NEB: variants seen among roughly 807,000 people sequenced by gnomAD.
NEB encodes nebulin.
In NEB, 512 loss-of-function variants were observed where a neutral mutation model predicts 952.2. The ratio of observed to expected loss-of-function variants is 0.54; its 90% CI spans 0.50 to 0.58. The LOEUF (loss-of-function observed/expected upper bound fraction) is 0.58, where lower values mean the gene tolerates loss of function less well. Among genes scored for constraint, NEB ranks in the 20% least tolerant of loss-of-function variants. The pLI, the probability that NEB is intolerant of heterozygous loss-of-function variation, is 0.00. For missense variants in NEB, 8,428 were observed against 9,231.1 expected, an observed-to-expected ratio of 0.91 and a Z score of 3.56; for synonymous variants, 2,900 against 3,149.8, an observed-to-expected ratio of 0.92 and a Z score of 2.66.
At position 151,690,584 on chromosome 2, in the gene NEB, T is replaced by G. The variant is rs531417831; in HGVS notation, c.2310+143A>C. Reference sequence around the variant, plus strand: ...GCTGCAATTCAATCTAGCAGCCTCATTTGTGTTTTATTAAACAAATCTTGA... The same window carrying G: ...GCTGCAATTCAATCTAGCAGCCTCAGTTGTGTTTTATTAAACAAATCTTGA... On this transcript the variant is annotated intron_variant, in intron 24 of 181. Coordinates refer to ENST00000397345, the MANE Select transcript of NEB (RefSeq NM_001164508.2). 4.3e-4 allele frequency: 294 copies of G among 683,568 alleles called. 1 individual carries two copies. Among genetic ancestry groups the G allele is most frequent in the Non-Finnish European group, 7.0e-4 (265 of 378,256 alleles). The allele number at this position is 683,568 out of a possible 1,614,324, so 42.3% of individuals were successfully genotyped here.
intron 124 of NEB, among the ~76,000 whole-genome samples, chr2:151,555,871 T>TAA (rs59427070): frequency 0.017 from 2,459 of 144,112 alleles, 36 homozygotes; most frequent in African/African-American, 0.037. Context: ...AAGGCACCGT[T>TAA]AAAAAAAAAA....
chr2:151,707,079 A>G, intron 12 of NEB, 82 bp from the exon 13 acceptor site: 1 of 829,510 alleles, frequency 1.2e-6, no homozygotes, highest in Non-Finnish European at 1.9e-6. Context: ...ACATACTTCC[A>G]CAAATCAATT....
chr2:151,658,141 A>G, intron 47 of NEB, 51 bp from the exon 48 acceptor site: 1 of 1,352,790 alleles, frequency 7.4e-7, no homozygotes, highest in Non-Finnish European at 1.0e-6. Flanking sequence ...GAAAGCCTGG[A>G]TTTATTTTAG....
At chr2:151,550,283 A>AC (rs1186815289) in intron 129 of NEB, among the ~76,000 whole-genome samples, 1 of 151,858 alleles carries the variant, frequency 6.6e-6, no homozygotes, top group African/African-American at 2.4e-5. Flanking sequence ...AAAAAAAAAA[A>AC]AAAAAAACAC....
intron 80 of NEB, 106 bp downstream of exon 80, chr2:151,610,410 C>G: frequency 2.4e-6 from 2 of 842,834 alleles, no homozygotes; most frequent in South Asian, 3.3e-5. Flanking sequence ...GGAAGTAGGA[C>G]TGGAAGGTAC....
In NEB at chr2:151,682,686, C is replaced by T. The variant is rs1386169164; in HGVS notation, c.2919G>A (p.Lys973=). The T allele has an allele frequency of 1.2e-6, 2 of 1,613,072 alleles. No homozygotes were observed. The highest frequency in any genetic ancestry group is 1.7e-5 in the Admixed American group (1 of 59,920). The stretch of plus-strand genomic sequence containing the variant: ...CCTCATTGAGGATGTCTGAAGCTCG[C>T]TTTGCCTTTTCCATTTCTAAGGACC... ...PFGSLEMEKA[K]RASDILNEKK... Residue 973 remains lysine, a synonymous_variant, in exon 29 of 182, where the codon AAG becomes AAA. Coordinates refer to ENST00000397345, the MANE Select transcript of NEB (RefSeq NM_001164508.2).
In NEB at chr2:151,631,191, A is replaced by G. The variant is rs768613880; in HGVS notation, c.9570T>C (p.Asp3190=). 9.9e-6 allele frequency: 16 copies of G among 1,613,796 alleles called. No homozygotes were observed. The Admixed American group carries it at 1.0e-4, about 10-fold the overall frequency. Residue 3190 remains aspartate (D), a synonymous_variant, in exon 66 of 182, where the codon GAT becomes GAC. Transcript: ENST00000397345. ...PDKLKFTSVT[D]SLEQVLAKNN... ...TCTTGGCCAGCACCTGCTCTAGAGA[A>G]TCAGTCACACTGGTAAATTTCAGCT...
chr2:151,674,729 T>A (rs146169352), intron 35 of NEB, 145 bp from the exon 36 acceptor site: 29 of 638,878 alleles, frequency 4.5e-5, no homozygotes, highest in African/African-American at 4.2e-4. Context: ...AGTGTCACAC[T>A]GTGTGTAGCA....
chr2:151,503,641 C>G (rs1188618943), intron 165 of NEB, among the ~76,000 whole-genome samples, 200 bp from the exon 166 acceptor site: 4 of 151,966 alleles, frequency 2.6e-5, no homozygotes, highest in Non-Finnish European at 4.4e-5. Context: ...ACTTTGAAAA[C>G]TGGGCACTAA....
intron 102 of NEB, 95 bp from the exon 103 acceptor site, chr2:151,581,682 A>G: frequency 7.1e-7 from 1 of 1,409,706 alleles, no homozygotes; most frequent in Non-Finnish European, 9.5e-7. Context: ...ACTTGAATAA[A>G]TGGATGATGA....
At chr2:151,694,125 T>C (rs1163416710) in intron 20 of NEB, among the ~76,000 whole-genome samples, 198 bp downstream of exon 20, 2 of 152,198 alleles carry the variant, frequency 1.3e-5, no homozygotes, top group African/African-American at 4.8e-5. Flanking sequence ...TAAGGAAAAT[T>C]TGCAGTATTC....
At chr2:151,553,295 C>T (rs4575719) in intron 127 of NEB, 103 bp downstream of exon 127, 10 of 940,616 alleles carry the variant, frequency 1.1e-5, no homozygotes, top group African/African-American at 1.6e-5. Flanking sequence ...AGCCACCCCC[C>T]AGAGCTGGCC....
intron 173 of NEB, 27 bp from the exon 174 acceptor site, chr2:151,494,280 G>T: frequency 6.8e-7 from 1 of 1,473,876 alleles, no homozygotes; most frequent in Non-Finnish European, 9.3e-7. Context: ...GGTCCAAAAA[G>T]CCAAAAAGAA....
At position 151,609,837 on chromosome 2, in the gene NEB, G is replaced by C. The variant is rs749832597; in HGVS notation, c.12302C>G (p.Ala4101Gly). Residue 4101 changes from alanine (A) to glycine (G), a missense_variant, in exon 81 of 182, where the codon GCA becomes GGA. Physicochemically the swap from Ala to Gly is moderately conservative, Grantham distance 60 (BLOSUM62 0). Around this residue, in one of 11 missense-constraint regions of NEB, gnomAD observed 337 missense variants for 297.5 expected, o/e 1.13. Transcript: ENST00000397345. ...ACTCTGCAGGTCATAGGCCTTTTTT[G>C]CTTGGATAATGTCGTTTTGATCCGG... ...CMPDQNDIIQ[A>G]KKAYDLQSDS... 2 of 1,587,074 alleles carry C rather than the reference G, an allele frequency of 1.3e-6. No individual in the cohort carries two copies. The highest frequency in any genetic ancestry group is 1.7e-6 in the Non-Finnish European group (2 of 1,167,606).
intron 111 of NEB, 100 bp downstream of exon 111, chr2:151,568,518 T>G: frequency 6.9e-7 from 1 of 1,447,558 alleles, no homozygotes; most frequent in Non-Finnish European, 9.6e-7. Flanking sequence ...ATGATTAAAA[T>G]CTGTATTTCA....
chr2:151,543,768 T>C (rs978798152), intron 135 of NEB, among the ~76,000 whole-genome samples: 2 of 152,250 alleles, frequency 1.3e-5, no homozygotes, highest in Non-Finnish European at 2.9e-5. Context: ...ACAATAGGTA[T>C]GTACCACTGT....
At chr2:151,486,009 C>T in intron 181 of NEB, 76 bp from the exon 182 acceptor site, 1 of 1,434,160 alleles carries the variant, frequency 7.0e-7, no homozygotes, top group Non-Finnish European at 9.6e-7. Context: ...TTTGTAAGAT[C>T]TCTCATGACT....
At chr2:151,611,504 T>C (rs1187379953) in intron 78 of NEB, among the ~76,000 whole-genome samples, 2 of 152,222 alleles carry the variant, frequency 1.3e-5, no homozygotes, top group African/African-American at 4.8e-5. Context: ...GCCACTTTCA[T>C]ATTTGTACTG....
At chr2:151,564,003 T>G in intron 117 of NEB, 73 bp from the exon 118 acceptor site, 1 of 1,116,102 alleles carries the variant, frequency 9.0e-7, no homozygotes, top group Non-Finnish European at 1.3e-6. Context: ...ACAATTGGTC[T>G]AATTAAGGTG....
Sources: allele counts gnomAD v4.1 joint callset (sites outside exome capture counted in the v4.1 genomes callset), GRCh38; gene constraint gnomAD v4.1.1; regional missense constraint gnomAD v4.1.1; transcripts MANE v1.5; gene names NCBI Gene and HGNC (gene_info 2026-07-23, HGNC 2026-07-21).